DENND1A: variants seen among roughly 807,000 people sequenced by gnomAD.
DENND1A encodes the protein DENN domain containing 1A.
A neutral mutation model predicts 113.7 loss-of-function variants in DENND1A; 51 were observed. The observed-to-expected ratio is 0.45, with a 90% confidence interval of 0.36 to 0.57. The LOEUF (loss-of-function observed/expected upper bound fraction) is 0.57. Ranked by LOEUF, DENND1A falls within the 20% of genes least tolerant of loss-of-function variation. DENND1A has a pLI of 0.00. For synonymous variants in DENND1A, 565 were observed against 570.8 expected (o/e 0.99, Z 0.14); for missense variants, 1,258 against 1,395.9 (o/e 0.90, Z 1.57).
intron 19 of DENND1A, among the ~76,000 whole-genome samples, chr9:123,416,271 C>T (rs2044718844): frequency 6.6e-6 from 1 of 152,154 alleles, no homozygotes. Context: ...TGCTCCTGCC[C>T]TTGCTAAGTG....
At chr9:123,652,556 T>C (rs1342305215) in intron 8 of DENND1A, among the ~76,000 whole-genome samples, 2 of 152,194 alleles carry the variant, frequency 1.3e-5, no homozygotes, top group Non-Finnish European at 2.9e-5. Context: ...TGCTGTGCCA[T>C]ACGCCTAAGC....
intron 19 of DENND1A, among the ~76,000 whole-genome samples, chr9:123,430,023 T>C (rs2046018612): frequency 6.6e-6 from 1 of 151,938 alleles, no homozygotes; most frequent in African/African-American, 2.4e-5. Flanking sequence ...CATTAAAAAG[T>C]GAGCAAAGGA....
In DENND1A at chr9:123,576,568, G is replaced by A. The variant is rs867595323; in HGVS notation, c.867+6601C>T. On this transcript the variant is annotated intron_variant, in intron 12 of 23. Transcript: ENST00000394215. ...GGCTGGAGTGCAGTGGGGCAGCCTC[G>A]GCTCACTGAAATCTCTGCCTCCTGG... Among the ~76,000 whole-genome samples, 4 of 151,990 alleles carry A rather than the reference G, an allele frequency of 2.6e-5. No individual in the cohort carries two copies. In the East Asian group the frequency reaches 7.7e-4, roughly 29 times the overall value.
chr9:123,383,186 T>G (rs2042371873), intron 23 of DENND1A, among the ~76,000 whole-genome samples: 1 of 152,150 alleles, frequency 6.6e-6, no homozygotes, highest in Admixed American at 6.5e-5. Context: ...AAGACCCCAC[T>G]TGCAAGTGAG....
chr9:123,792,218 C>T (rs1833091445), intron 3 of DENND1A, among the ~76,000 whole-genome samples: 1 of 152,158 alleles, frequency 6.6e-6, no homozygotes, highest in South Asian at 2.1e-4. Context: ...TTCCCTCTTC[C>T]CTCTTTTTTG....
At chr9:123,929,003 T>C in intron 1 of DENND1A, 20 of 756,164 alleles carry the variant, frequency 2.6e-5, no homozygotes, top group Non-Finnish European at 3.1e-5. Flanking sequence ...TCTCCAGTTC[T>C]GGGGCAGAGG....
chr9:123,385,560 C>G (rs1283468146), intron 22 of DENND1A, among the ~76,000 whole-genome samples: 1 of 152,172 alleles, frequency 6.6e-6, no homozygotes, highest in Non-Finnish European at 1.5e-5. Flanking sequence ...GGAAGGGCAC[C>G]ACCTGGCGGT....
chr9:123,909,940 G>GA (rs894344049), intron 1 of DENND1A, among the ~76,000 whole-genome samples: 40 of 151,606 alleles, frequency 2.6e-4, no homozygotes, highest in Non-Finnish European at 3.5e-4. Flanking sequence ...AATAGTATGG[G>GA]AAAAAAAATC....
chr9:123,848,816 G>A (rs903503147), intron 2 of DENND1A, among the ~76,000 whole-genome samples: 1 of 152,186 alleles, frequency 6.6e-6, no homozygotes, highest in Non-Finnish European at 1.5e-5. Flanking sequence ...CAGCCTGATT[G>A]CTGATACATG....
At chr9:123,535,584 T>C (rs1157472986) in intron 13 of DENND1A, among the ~76,000 whole-genome samples, 1 of 152,216 alleles carries the variant, frequency 6.6e-6, no homozygotes, top group Non-Finnish European at 1.5e-5. Flanking sequence ...TTGTTTTCCA[T>C]CTCTGAAACA....
At chr9:123,588,784 T>TTTG in intron 11 of DENND1A, among the ~76,000 whole-genome samples, 1 of 151,676 alleles carries the variant, frequency 6.6e-6, no homozygotes, top group Non-Finnish European at 1.5e-5. Flanking sequence ...TTTTTTTTTT[T>TTTG]TGAGATGGGA....
chr9:123,735,903 G>A (rs1263547760), intron 5 of DENND1A, among the ~76,000 whole-genome samples: 1 of 152,178 alleles, frequency 6.6e-6, no homozygotes, highest in Non-Finnish European at 1.5e-5. Context: ...GGAGGCTGTG[G>A]TGGGAGAATT....
chr9:123,698,635 T>G (rs891384552), intron 5 of DENND1A, among the ~76,000 whole-genome samples: 4 of 152,168 alleles, frequency 2.6e-5, no homozygotes, highest in African/African-American at 9.7e-5. Context: ...ACAACATGAG[T>G]CTAACCACCA....
At chr9:123,528,893 A>T (rs1245758339) in intron 13 of DENND1A, among the ~76,000 whole-genome samples, 1 of 152,142 alleles carries the variant, frequency 6.6e-6, no homozygotes, top group African/African-American at 2.4e-5. Flanking sequence ...CCTCTATTTG[A>T]AGTAACTGTT....
At chr9:123,689,523 A>G (rs1321407571) in intron 5 of DENND1A, among the ~76,000 whole-genome samples, 1 of 152,166 alleles carries the variant, frequency 6.6e-6, no homozygotes, top group African/African-American at 2.4e-5. Flanking sequence ...TTCTTTTATT[A>G]CTTATAACAG....
intron 3 of DENND1A, among the ~76,000 whole-genome samples, chr9:123,781,299 G>C (rs1831276266): frequency 6.6e-6 from 1 of 152,154 alleles, no homozygotes; most frequent in Non-Finnish European, 1.5e-5. Context: ...AAGTATCCTG[G>C]ATTGGATGCT....
intron 3 of DENND1A, among the ~76,000 whole-genome samples, chr9:123,775,867 C>A (rs1830401954): frequency 1.3e-5 from 2 of 152,160 alleles, no homozygotes; most frequent in African/African-American, 4.8e-5. Flanking sequence ...TGGGCCCATG[C>A]TGAATTCGCT....
chr9:123,639,363 C>T (rs546055573), intron 9 of DENND1A, among the ~76,000 whole-genome samples: 2 of 149,344 alleles, frequency 1.3e-5, no homozygotes, highest in South Asian at 2.1e-4. Context: ...CAGTTGAACC[C>T]GAGAGGCAGA....
intron 2 of DENND1A, among the ~76,000 whole-genome samples, chr9:123,835,517 C>G (rs1840921432): frequency 6.6e-6 from 1 of 152,106 alleles, no homozygotes; most frequent in African/African-American, 2.4e-5. Context: ...CTGCCACACA[C>G]ACAACTATCC....
Sources: allele counts gnomAD v4.1 joint callset (sites outside exome capture counted in the v4.1 genomes callset), GRCh38; gene constraint gnomAD v4.1.1; transcripts MANE v1.5; gene names NCBI Gene and HGNC (gene_info 2026-07-23, HGNC 2026-07-21).